MARCHF2: variants seen among roughly 807,000 people sequenced by gnomAD.
MARCHF2 encodes the protein membrane associated ring-CH-type finger 2, also known as E3 ubiquitin-protein ligase MARCHF2.
MARCHF2 carries 22 observed loss-of-function variants against 24.0 expected under a neutral mutation model. The ratio of observed to expected loss-of-function variants is 0.92; its 90% CI spans 0.66 to 1.31. MARCHF2 has a LOEUF of 1.31. MARCHF2 is among the 50% of genes most tolerant of loss of function. The probability of loss-of-function intolerance (pLI) is 0.00; values close to 1 mark genes in which losing one functional copy is unlikely to be tolerated. For synonymous variants in MARCHF2, 154 were observed against 153.0 expected (o/e 1.01, Z -0.05); for missense variants, 301 against 335.3 (o/e 0.90, Z 0.80).
intron 4 of MARCHF2, among the ~76,000 whole-genome samples, chr19:8,433,022 C>G (rs1021265905): frequency 1.3e-5 from 2 of 151,858 alleles, no homozygotes; most frequent in Admixed American, 1.3e-4. Context: ...AGTTTGAGAC[C>G]AGCCTGGGCA....
intron 2 of MARCHF2, among the ~76,000 whole-genome samples, chr19:8,422,582 G>A (rs988799659): frequency 1.3e-5 from 2 of 151,908 alleles, no homozygotes; most frequent in Non-Finnish European, 1.5e-5. Context: ...TAGCAGAGAC[G>A]GGGTTTCGCC....
At chr19:8,424,533 G>A (rs889721485) in intron 2 of MARCHF2, among the ~76,000 whole-genome samples, 1 of 152,060 alleles carries the variant, frequency 6.6e-6, no homozygotes. Context: ...CGGGCGTGGT[G>A]GCCGGCGCCT....
chr19:8,422,224 GATT>G (rs1967267057), intron 2 of MARCHF2, among the ~76,000 whole-genome samples: 1 of 152,200 alleles, frequency 6.6e-6, no homozygotes, highest in East Asian at 1.9e-4. Context: ...TGAAATTCCA[GATT>G]ATTATGTGAA....
chr19:8,426,623 G>T lies in MARCHF2; in HGVS notation c.191G>T (p.Cys64Phe). The change falls in exon 3 of 5, where the codon TGC (cysteine) becomes TTC (phenylalanine). Residue 64 changes from cysteine (C) to phenylalanine (F), a missense_variant. By Grantham distance (205) the Cys-to-Phe change is radical (BLOSUM62 -2). Coordinates refer to ENST00000215555, the MANE Select transcript of MARCHF2 (RefSeq NM_001005415.2). ...TCTGTGTCCAGTGATGGTCCTTTCT[G>T]CCGGATCTGCCATGAGGGAGCGAAC... ...ALDTPSDGPF[C>F]RICHEGANGE... is the part of the protein sequence containing the mutation. The T allele has an allele frequency of 1.9e-6, 3 of 1,613,928 alleles. No individual in the cohort carries two copies. Among genetic ancestry groups the T allele is most frequent in the Non-Finnish European group, 2.5e-6 (3 of 1,179,942 alleles).
intron 3 of MARCHF2, among the ~76,000 whole-genome samples, chr19:8,429,479 C>CATTATTATTA (rs1259295203): frequency 7.0e-6 from 1 of 142,326 alleles, no homozygotes; most frequent in East Asian, 2.1e-4. Flanking sequence ...AATGAAAGAA[C>CATTATTATTA]TTATTATTAT....
In MARCHF2 at chr19:8,430,375, T is replaced by C. The variant is rs1287307399; in HGVS notation, c.373-283T>C. 6.9e-6 allele frequency among the ~76,000 whole-genome samples: 1 copy of C among 145,614 alleles called. No individual in the cohort carries two copies. The highest frequency in any genetic ancestry group is 2.5e-5 in the African/African-American group (1 of 39,272). On this transcript the variant is annotated intron_variant, in intron 3 of 4. Coordinates refer to ENST00000215555, the MANE Select transcript of MARCHF2 (RefSeq NM_001005415.2). This position sits in a 1 kb window ranked among gnomAD's most constrained non-coding sequence, Gnocchi z 4.4. Reference sequence around the variant, plus strand: ...GAGACTCTGTCTCAAAAAATATATATACATACAAAATTAGCCGTGCATGGT... The same window carrying C: ...GAGACTCTGTCTCAAAAAATATATACACATACAAAATTAGCCGTGCATGGT...
chr19:8,415,721 C>CAAAAAAAAAAAAAAAAAAAA (rs1309501077), intron 1 of MARCHF2, among the ~76,000 whole-genome samples: 9 of 17,836 alleles, frequency 5.0e-4, no homozygotes, highest in South Asian at 2.3e-3. Flanking sequence ...AACTCCATCT[C>CAAAAAAAAAAAAAAAAAAAA]AAAAAAAAAA....
chr19:8,424,153 G>C (rs1482088784), intron 2 of MARCHF2, among the ~76,000 whole-genome samples: 1 of 152,142 alleles, frequency 6.6e-6, no homozygotes, highest in Non-Finnish European at 1.5e-5. Flanking sequence ...CACGCCCCCT[G>C]CCTCCTGAGC....
intron 3 of MARCHF2, chr19:8,427,916 G>A (rs1162387724): frequency 3.3e-5 from 5 of 150,854 alleles, no homozygotes; most frequent in African/African-American, 1.2e-4. Context: ...AGGAGTTAAA[G>A]ACCAGCCTGG....
intron 1 of MARCHF2, among the ~76,000 whole-genome samples, chr19:8,417,230 G>C (rs749425376): frequency 3.9e-5 from 6 of 152,080 alleles, no homozygotes; most frequent in Admixed American, 1.3e-4. Context: ...GATCACTTGA[G>C]ATCAGCAGTT....
intron 4 of MARCHF2, among the ~76,000 whole-genome samples, chr19:8,431,616 C>A (rs1347475904): frequency 1.3e-5 from 2 of 151,512 alleles, no homozygotes; most frequent in East Asian, 3.9e-4. Flanking sequence ...GCAGGTGGAT[C>A]ATCTGAGCCC....
At position 8,422,985 on chromosome 19, in the gene MARCHF2, G is replaced by A. The variant is rs1413014524; in HGVS notation, c.176+969G>A. Among the ~76,000 whole-genome samples the A allele has an allele frequency of 1.5e-5, 2 of 135,544 alleles. 1 individual carries two copies. Among genetic ancestry groups the A allele is most frequent in the Non-Finnish European group, 3.1e-5 (2 of 63,722 alleles). 88.9% of individuals were successfully genotyped at this position (135,544 alleles called of 152,430 possible). A position where few individuals can be genotyped will look rare whatever the true frequency, so the allele number is the denominator to read the frequency against. The stretch of plus-strand genomic sequence containing the variant: ...CCCAAAGTGCTGGGATTACAGGCGT[G>A]AGCCACCGCGCCTGGCCGTGCTCAA... On this transcript the variant is annotated intron_variant, in intron 2 of 4. Coordinates refer to ENST00000215555, the MANE Select transcript of MARCHF2 (RefSeq NM_001005415.2).
At chr19:8,416,678 C>A (rs1442073944) in intron 1 of MARCHF2, among the ~76,000 whole-genome samples, 1 of 152,066 alleles carries the variant, frequency 6.6e-6, no homozygotes, top group Non-Finnish European at 1.5e-5. Flanking sequence ...GCGATTCTCC[C>A]ACCTCAGCCT....
chr19:8,433,082 G>T (rs2145568413), intron 4 of MARCHF2, among the ~76,000 whole-genome samples: 1 of 152,078 alleles, frequency 6.6e-6, no homozygotes, highest in South Asian at 2.1e-4. Context: ...TGTCGGCCGT[G>T]GTGGTGCGTG....
chr19:8,420,802 T>TACC (rs2145541844), intron 1 of MARCHF2, among the ~76,000 whole-genome samples: 1 of 152,114 alleles, frequency 6.6e-6, no homozygotes, highest in East Asian at 1.9e-4. Flanking sequence ...AGGCTTGTGC[T>TACC]ACCATGCCTG....
At chr19:8,424,014 AAAAT>A (rs1967328016) in intron 2 of MARCHF2, among the ~76,000 whole-genome samples, 1 of 151,892 alleles carries the variant, frequency 6.6e-6, no homozygotes, top group African/African-American at 2.4e-5. Context: ...GAAAGAAAAA[AAAAT>A]ACAGTCTCTC....
intron 2 of MARCHF2, among the ~76,000 whole-genome samples, chr19:8,425,446 A>G (rs986099616): frequency 6.6e-6 from 1 of 151,520 alleles, no homozygotes; most frequent in Non-Finnish European, 1.5e-5. Context: ...AGATCTCACT[A>G]GGTTGCCCAC....
In MARCHF2 at chr19:8,426,765, G is replaced by C. The variant is rs756515022; in HGVS notation, c.333G>C (p.Thr111=). Residue 111 remains threonine, a synonymous_variant, in exon 3 of 5, where the codon ACG becomes ACC. Transcript: ENST00000215555. Reference sequence around the variant, plus strand: ...CCAGCTACTGCGAGCTGTGCCACACGGAGTTTGCAGTGGAGAAACGGCCTC... The same window carrying C: ...CCAGCTACTGCGAGCTGTGCCACACCGAGTTTGCAGTGGAGAAACGGCCTC... ...SNTSYCELCH[T]EFAVEKRPRP... 3.1e-6 allele frequency: 5 copies of C among 1,612,474 alleles called. No individual in the cohort carries two copies. In the South Asian group the frequency reaches 5.5e-5, roughly 18 times the overall value.
chr19:8,423,035 T>C (rs1452816590), intron 2 of MARCHF2, among the ~76,000 whole-genome samples: 1 of 15,610 alleles, frequency 6.4e-5, no homozygotes, highest in African/African-American at 2.7e-4. Flanking sequence ...TTTTTTTTCC[T>C]CTCTTCTCTG....
Sources: gnomAD v4.1 joint callset for allele counts (sites outside exome capture counted in the v4.1 genomes callset) on GRCh38, gnomAD v4.1.1 for gene constraint, Gnocchi (gnomAD v3.1) non-coding constraint, MANE v1.5 for transcripts, NCBI Gene and HGNC (gene_info 2026-07-23, HGNC 2026-07-21) for gene names.